Variants in ASIC2 observed in about 807,000 individuals in gnomAD.
ASIC2 encodes the protein acid sensing ion channel subunit 2.
ASIC2 carries 25 observed loss-of-function variants against 57.3 expected under a neutral mutation model. That is an observed-to-expected ratio of 0.44 (90% CI 0.32 to 0.61). The LOEUF (loss-of-function observed/expected upper bound fraction) is 0.61, where lower values mean the gene tolerates loss of function less well. Ranked by LOEUF, ASIC2 falls within the 20% of genes least tolerant of loss-of-function variation. ASIC2 has a pLI of 0.06. For missense variants in ASIC2, 641 were observed against 738.1 expected (o/e 0.87, Z 1.52); for synonymous variants, 319 against 307.5 (o/e 1.04, Z -0.39).
intron 1 of ASIC2, among the ~76,000 whole-genome samples, chr17:33,973,739 C>T (rs556657346): frequency 6.6e-6 from 1 of 152,266 alleles, no homozygotes; most frequent in Non-Finnish European, 1.5e-5. Flanking sequence ...TACACACAGG[C>T]TTATTAAAGC....
intron 1 of ASIC2, among the ~76,000 whole-genome samples, chr17:33,731,243 A>C (rs1909732074): frequency 6.6e-6 from 1 of 152,192 alleles, no homozygotes; most frequent in Non-Finnish European, 1.5e-5. Flanking sequence ...CTCCTTTGTC[A>C]GGTGTTTTTT....
At chr17:33,182,153 C>T (rs1000772041) in intron 1 of ASIC2, among the ~76,000 whole-genome samples, 9 of 152,052 alleles carry the variant, frequency 5.9e-5, no homozygotes, top group African/African-American at 1.4e-4. Flanking sequence ...AGGGATGATA[C>T]GGTGACAGCC....
rs541030487 is a variant in ASIC2, at chr17:34,078,326, A to G, written c.555+77652T>C. ...CACTTCACAGATGCCCCATAATGCC[A>G]CTGCTTCCTTGCTCCTACTCCACCT... On this transcript the variant is annotated intron_variant, in intron 1 of 9. Coordinates refer to the ASIC2 transcript ENST00000359872. 1.2e-4 allele frequency among the ~76,000 whole-genome samples: 18 copies of G among 152,144 alleles called. 1 individual carries two copies. Among genetic ancestry groups the G allele is most frequent in the Non-Finnish European group, 2.6e-4 (18 of 68,024 alleles).
chr17:33,634,373 C>T (rs1906276405), intron 1 of ASIC2, among the ~76,000 whole-genome samples: 1 of 152,234 alleles, frequency 6.6e-6, no homozygotes, highest in African/African-American at 2.4e-5. Context: ...GGCCCTATCC[C>T]AAGGTTTACC....
intron 1 of ASIC2, among the ~76,000 whole-genome samples, chr17:33,519,548 C>T (rs1914679780): frequency 6.6e-6 from 1 of 152,164 alleles, no homozygotes; most frequent in South Asian, 2.1e-4. Flanking sequence ...GGATCAGACT[C>T]TCTGGGTAGA....
At chr17:33,638,757 T>A (rs1005584556) in intron 1 of ASIC2, among the ~76,000 whole-genome samples, 2 of 152,082 alleles carry the variant, frequency 1.3e-5, no homozygotes, top group Admixed American at 1.3e-4. Flanking sequence ...TGAGAATTTT[T>A]TTTTCCTGGC....
chr17:33,356,746 T>A (rs1207770797), intron 1 of ASIC2, among the ~76,000 whole-genome samples: 4 of 152,160 alleles, frequency 2.6e-5, no homozygotes, highest in Non-Finnish European at 4.4e-5. Flanking sequence ...AGCATGAAGA[T>A]CTCATTATGT....
chr17:34,033,542 C>T (rs1431153595), intron 1 of ASIC2, among the ~76,000 whole-genome samples: 1 of 152,012 alleles, frequency 6.6e-6, no homozygotes, highest in Non-Finnish European at 1.5e-5. Flanking sequence ...AATAGAGACA[C>T]AAAAAACCCT....
chr17:33,235,049 C>T (rs571825842), intron 1 of ASIC2, among the ~76,000 whole-genome samples: 1 of 152,324 alleles, frequency 6.6e-6, no homozygotes, highest in African/African-American at 2.4e-5. Flanking sequence ...GGCTCTGGTC[C>T]CATTTTACTT....
intron 2 of ASIC2, among the ~76,000 whole-genome samples, chr17:33,092,259 T>C (rs1235540174): frequency 6.6e-6 from 1 of 152,260 alleles, no homozygotes; most frequent in Non-Finnish European, 1.5e-5. Flanking sequence ...TTACCAGAAT[T>C]GCCCTTGGCT....
At chr17:34,007,941 C>A (rs1906582793) in intron 1 of ASIC2, among the ~76,000 whole-genome samples, 1 of 152,188 alleles carries the variant, frequency 6.6e-6, no homozygotes, top group African/African-American at 2.4e-5. Context: ...CCACCCCCTC[C>A]AACACACAAA....
chr17:33,097,593 G>A (rs2092187646), intron 2 of ASIC2, among the ~76,000 whole-genome samples: 2 of 152,210 alleles, frequency 1.3e-5, no homozygotes, highest in Admixed American at 1.3e-4. Flanking sequence ...TGGGATCCAG[G>A]TCTCTAGATT....
intron 1 of ASIC2, among the ~76,000 whole-genome samples, chr17:33,770,347 C>T (rs753197837): frequency 6.6e-5 from 10 of 152,184 alleles, no homozygotes; most frequent in Non-Finnish European, 1.0e-4. Flanking sequence ...GAAAGCTGGC[C>T]TCATACAGTT....
At chr17:33,074,642 G>T (rs1335023305) in intron 3 of ASIC2, among the ~76,000 whole-genome samples, 1 of 152,182 alleles carries the variant, frequency 6.6e-6, no homozygotes, top group African/African-American at 2.4e-5. Flanking sequence ...ATTGCTCAAT[G>T]GTTAGAGCCA....
At chr17:33,403,597 C>T (rs935964569) in intron 1 of ASIC2, among the ~76,000 whole-genome samples, 1 of 152,210 alleles carries the variant, frequency 6.6e-6, no homozygotes, top group Non-Finnish European at 1.5e-5. Context: ...GAATTGGCTA[C>T]AAGCCCCTGA....
chr17:33,392,363 A>G (rs901702349), intron 1 of ASIC2, among the ~76,000 whole-genome samples: 4 of 151,618 alleles, frequency 2.6e-5, no homozygotes, highest in African/African-American at 9.7e-5. Flanking sequence ...TACTGAGTTG[A>G]ATAGATTCTT....
rs118139356 is a variant in ASIC2 at position 34,131,835 on chromosome 17, A to T, written c.555+24143T>A. ...AACAAGAGGCCCTGAAAGGTCTGAG[A>T]ATCTGGATCCCAGCGTGTGAAAGCC... On this transcript the variant is annotated intron_variant, in intron 1 of 9. Transcript: ENST00000359872. Among the ~76,000 whole-genome samples, 368 of 152,294 alleles carry T rather than the reference A, an allele frequency of 2.4e-3. 9 individuals carry two copies. In the East Asian group the frequency reaches 0.048, roughly 20 times the overall value.
At chr17:34,113,858 G>A (rs991215615) in intron 1 of ASIC2, among the ~76,000 whole-genome samples, 1 of 152,156 alleles carries the variant, frequency 6.6e-6, no homozygotes, top group East Asian at 1.9e-4. Flanking sequence ...CTAGGCAACA[G>A]AGACCATTTC....
At chr17:33,756,983 G>A (rs142739983) in intron 1 of ASIC2, among the ~76,000 whole-genome samples, 18 of 152,318 alleles carry the variant, frequency 1.2e-4, no homozygotes, top group African/African-American at 3.6e-4. Context: ...CCATTTCCTT[G>A]CCTCTTCCAG....
Sources: allele counts gnomAD v4.1 joint callset (sites outside exome capture counted in the v4.1 genomes callset), GRCh38; gene constraint gnomAD v4.1.1; transcripts MANE v1.5; gene names NCBI Gene and HGNC (gene_info 2026-07-23, HGNC 2026-07-21).